The following STAB2 variants were observed in gnomAD, a reference collection of about 807,000 sequenced individuals.
The protein encoded by STAB2 is stabilin 2, also known as stabilin-2.
Under a neutral mutation model 338.1 loss-of-function variants are expected in STAB2, and 288 were observed. That is an observed-to-expected ratio of 0.85 (90% confidence interval 0.77 to 0.94). The LOEUF is 0.94. STAB2 is among the 40% of genes least tolerant of loss of function. The probability of loss-of-function intolerance (pLI) is 0.00; values close to 1 mark genes in which losing one functional copy is unlikely to be tolerated. For missense variants in STAB2, 3,141 were observed against 3,210.1 expected, an observed-to-expected ratio of 0.98 and a Z score of 0.52; for synonymous variants, 1,202 against 1,193.3, an observed-to-expected ratio of 1.01 and a Z score of -0.15.
At chr12:103,747,105 C>T (rs1481853774) in intron 58 of STAB2, among the ~76,000 whole-genome samples, 1 of 151,820 alleles carries the variant, frequency 6.6e-6, no homozygotes, top group Non-Finnish European at 1.5e-5. Context: ...TACAGGCATG[C>T]GCCACCGCAC....
At chr12:103,702,701 TTCGATTC>T (rs1879008128) in intron 34 of STAB2, among the ~76,000 whole-genome samples, 1 of 152,232 alleles carries the variant, frequency 6.6e-6, no homozygotes, top group Admixed American at 6.5e-5. Context: ...AGTTGCATTC[TTCGATTC>T]TTGGTTATGG....
At chr12:103,735,354 G>A (rs1006025957) in intron 51 of STAB2, 137 bp from the exon 52 acceptor site, 27 of 551,850 alleles carry the variant, frequency 4.9e-5, no homozygotes, top group Admixed American at 2.1e-4. Context: ...TTATACCTAC[G>A]GTCATTTGTA....
intron 68 of STAB2, among the ~76,000 whole-genome samples, chr12:103,765,286 C>CT (rs1884856648): frequency 1.3e-5 from 2 of 152,104 alleles, no homozygotes; most frequent in Non-Finnish European, 2.9e-5. Flanking sequence ...AAAGATTTAC[C>CT]TGAGGCAGGT....
At chr12:103,731,391 C>T (rs1330807837) in intron 49 of STAB2, among the ~76,000 whole-genome samples, 185 bp from the exon 50 acceptor site, 1 of 152,150 alleles carries the variant, frequency 6.6e-6, no homozygotes, top group African/African-American at 2.4e-5. Flanking sequence ...AAAAGTAGCG[C>T]TTAGCCTACT....
chr12:103,736,715 G>C (rs912949240), intron 52 of STAB2, among the ~76,000 whole-genome samples: 5 of 152,048 alleles, frequency 3.3e-5, no homozygotes, highest in Admixed American at 3.3e-4. Context: ...ACCTCAGAGA[G>C]GTTCAGTGAC....
intron 3 of STAB2, among the ~76,000 whole-genome samples, chr12:103,610,638 G>A (rs1405750591): frequency 1.3e-5 from 2 of 152,072 alleles, no homozygotes; most frequent in Admixed American, 1.3e-4. Flanking sequence ...CAAAAAACCA[G>A]CTCCTGGATT....
intron 2 of STAB2, among the ~76,000 whole-genome samples, 198 bp downstream of exon 2, chr12:103,591,228 T>C (rs1432007916): frequency 2.0e-5 from 3 of 152,200 alleles, no homozygotes; most frequent in Non-Finnish European, 4.4e-5. Flanking sequence ...TTCATGCCTG[T>C]AATCCCAGCA....
At chr12:103,665,061 A>G (rs966913673) in intron 18 of STAB2, among the ~76,000 whole-genome samples, 1 of 152,254 alleles carries the variant, frequency 6.6e-6, no homozygotes, top group Non-Finnish European at 1.5e-5. Flanking sequence ...AATTTTGGTT[A>G]CATAAGGAAA....
intron 34 of STAB2, among the ~76,000 whole-genome samples, chr12:103,702,944 G>C (rs564397663): frequency 5.9e-5 from 9 of 152,184 alleles, no homozygotes; most frequent in Admixed American, 3.9e-4. Context: ...TTGGCCTAAG[G>C]TCACACAGCT....
At chr12:103,666,509 C>T (rs912432346) in intron 19 of STAB2, among the ~76,000 whole-genome samples, 156 bp downstream of exon 19, 5 of 152,190 alleles carry the variant, frequency 3.3e-5, no homozygotes, top group Admixed American at 1.3e-4. Context: ...TGGTAGAAAG[C>T]GATCCCACAG....
Position 103,740,705 on chromosome 12 carries a change from G to C in STAB2, c.5830G>C (p.Val1944Leu), listed in dbSNP as rs1460856910. 1.9e-6 allele frequency: 3 copies of C among 1,607,402 alleles called. No homozygotes were observed. Among genetic ancestry groups the C allele is most frequent in the Non-Finnish European group, 2.5e-6 (3 of 1,177,792 alleles). ...AGGCTGCCGGGAGCGGTGCAGCCTG[G>C]TGATACAGATCCCCAGGTGCTGCAA... is the stretch of plus-strand genomic sequence containing the variant. ...LEGCRERCSL[V>L]IQIPRCCKGY... The change falls in exon 55 of 69, where the codon GTG becomes CTG. Residue 1944 changes from valine to leucine, a missense_variant. By Grantham distance (32) the Val-to-Leu change is conservative. Transcript: ENST00000388887.
At chr12:103,689,763 T>C in intron 28 of STAB2, 83 bp from the exon 29 acceptor site, 14 of 1,518,252 alleles carry the variant, frequency 9.2e-6, no homozygotes, top group Non-Finnish European at 1.2e-5. Context: ...TTATGGGAAA[T>C]TGTCATCTCT....
intron 3 of STAB2, among the ~76,000 whole-genome samples, chr12:103,610,235 T>TTGATTGGAATAG (rs1307045661): frequency 2.0e-5 from 3 of 152,142 alleles, no homozygotes; most frequent in Non-Finnish European, 4.4e-5. Context: ...TCTTTTTCTA[T>TTGATTGGAATAG]TGATTGGAAT....
intron 30 of STAB2, 44 bp from the exon 31 acceptor site, chr12:103,692,768 C>T (rs370649199): frequency 4.2e-5 from 63 of 1,507,628 alleles, no homozygotes; most frequent in Non-Finnish European, 5.2e-5. Context: ...TCCCAAGGTG[C>T]GCTCTATAAA....
chr12:103,738,507 T>C (rs1882329052), intron 53 of STAB2, among the ~76,000 whole-genome samples: 1 of 152,190 alleles, frequency 6.6e-6, no homozygotes, highest in Admixed American at 6.5e-5. Flanking sequence ...GCAAAGTTTG[T>C]CACCAGTTGA....
intron 9 of STAB2, among the ~76,000 whole-genome samples, chr12:103,642,902 C>A (rs1873032268): frequency 6.6e-6 from 1 of 152,186 alleles, no homozygotes; most frequent in African/African-American, 2.4e-5. Flanking sequence ...GATAAGCCAG[C>A]ATTATCTCCA....
chr12:103,621,933 C>G, intron 4 of STAB2, 109 bp from the exon 5 acceptor site: 1 of 996,418 alleles, frequency 1.0e-6, no homozygotes, highest in African/African-American at 1.6e-5. Context: ...AGGATAGGCA[C>G]AGAGGGAAAA....
intron 6 of STAB2, 65 bp from the exon 7 acceptor site, chr12:103,637,046 A>C: frequency 1.3e-6 from 2 of 1,482,738 alleles, no homozygotes; most frequent in Non-Finnish European, 1.8e-6. Flanking sequence ...GGAATACTGC[A>C]GTTTGGGGGT....
chr12:103,736,374 T>C (rs1030229349), intron 52 of STAB2, among the ~76,000 whole-genome samples: 3 of 152,192 alleles, frequency 2.0e-5, no homozygotes, highest in African/African-American at 7.2e-5. Flanking sequence ...TTCCAACAAG[T>C]TCCATACAAC....
Sources: allele counts gnomAD v4.1 joint callset (sites outside exome capture counted in the v4.1 genomes callset), GRCh38; gene constraint gnomAD v4.1.1; transcripts MANE v1.5; gene names NCBI Gene and HGNC (gene_info 2026-07-23, HGNC 2026-07-21).